PPFIA2: variants seen among roughly 807,000 people sequenced by gnomAD.
PPFIA2 encodes the protein PPFI scaffold protein A2, also known as liprin-alpha-2.
PPFIA2 carries 46 observed loss-of-function variants against 175.5 expected under a neutral mutation model. The observed-to-expected ratio is 0.26, with a 90% CI of 0.21 to 0.34. The LOEUF (loss-of-function observed/expected upper bound fraction) is 0.34. PPFIA2 is among the 10% of genes least tolerant of loss of function. The pLI is 1.00. For synonymous variants in PPFIA2, 568 were observed against 511.4 expected, an observed-to-expected ratio of 1.11 and a Z score of -1.49; for missense variants, 1,179 against 1,506.1, an observed-to-expected ratio of 0.78 and a Z score of 3.60.
chr12:81,339,115 T>C (rs979111341), intron 21 of PPFIA2, 65 bp downstream of exon 21: 11 of 1,308,224 alleles, frequency 8.4e-6, no homozygotes, highest in African/African-American at 1.5e-5. Context: ...AAATGAAAGA[T>C]AGATGGATAC....
chr12:81,718,176 A>G (rs1364681149), intron 3 of PPFIA2, among the ~76,000 whole-genome samples: 1 of 151,708 alleles, frequency 6.6e-6, no homozygotes, highest in Admixed American at 6.6e-5. Flanking sequence ...TCAGGTAGTG[A>G]CATGGCTTTG....
At chr12:81,501,820 G>T (rs144230029) in intron 4 of PPFIA2, among the ~76,000 whole-genome samples, 1 of 152,136 alleles carries the variant, frequency 6.6e-6, no homozygotes, top group Non-Finnish European at 1.5e-5. Flanking sequence ...TGGCTCTTAG[G>T]CATATGTAAT....
intron 7 of PPFIA2, among the ~76,000 whole-genome samples, chr12:81,418,990 T>C (rs1488841797): frequency 1.3e-5 from 2 of 151,998 alleles, no homozygotes; most frequent in African/African-American, 4.8e-5. Context: ...TGAATGTCAA[T>C]TGCATTTTCA....
chr12:81,551,228 A>G (rs746507202), intron 4 of PPFIA2, among the ~76,000 whole-genome samples: 2 of 151,938 alleles, frequency 1.3e-5, no homozygotes, highest in Non-Finnish European at 2.9e-5. Flanking sequence ...AAATGAATGA[A>G]AAGATGAATG....
chr12:81,381,169 G>T (rs1471957182), intron 9 of PPFIA2, among the ~76,000 whole-genome samples: 1 of 152,128 alleles, frequency 6.6e-6, no homozygotes, highest in Non-Finnish European at 1.5e-5. Flanking sequence ...TCCCTTCAAA[G>T]GTGGATGATG....
At position 81,569,179 on chromosome 12, in the gene PPFIA2, T is replaced by G. The variant is rs574598455; in HGVS notation, c.303+107612A>C. 1.3e-5 allele frequency among the ~76,000 whole-genome samples: 2 copies of G among 152,290 alleles called. 1 individual carries two copies. The highest frequency in any genetic ancestry group is 3.9e-4 in the East Asian group (2 of 5,188). Reference sequence around the variant, plus strand: ...TGGTGAGAATCATAGCTTCTTTCTATGTGTTCATATTTCATTGAATAATAG... The same window carrying G: ...TGGTGAGAATCATAGCTTCTTTCTAGGTGTTCATATTTCATTGAATAATAG... On this transcript the variant is annotated intron_variant, in intron 4 of 32. Transcript: ENST00000549396.
chr12:81,300,640 A>G (rs1443592950), intron 22 of PPFIA2, among the ~76,000 whole-genome samples: 2 of 152,172 alleles, frequency 1.3e-5, no homozygotes, highest in Admixed American at 6.5e-5. Context: ...CATGTAAGCT[A>G]TTCAGCACCT....
intron 14 of PPFIA2, among the ~76,000 whole-genome samples, chr12:81,364,029 A>G (rs1406933450): frequency 6.6e-6 from 1 of 151,910 alleles, no homozygotes; most frequent in African/African-American, 2.4e-5. Flanking sequence ...GAAATATAGC[A>G]TGTTGTTAGA....
At chr12:81,737,047 G>T (rs1395536276) in intron 3 of PPFIA2, among the ~76,000 whole-genome samples, 2 of 151,840 alleles carry the variant, frequency 1.3e-5, no homozygotes, top group East Asian at 3.9e-4. Flanking sequence ...CAGCTCTATT[G>T]ATAAGAACAA....
At chr12:81,625,896 G>C (rs949678427) in intron 4 of PPFIA2, among the ~76,000 whole-genome samples, 1 of 148,498 alleles carries the variant, frequency 6.7e-6, no homozygotes, top group African/African-American at 2.5e-5. Context: ...ATAAGATATA[G>C]TATATAGCCT....
intron 4 of PPFIA2, among the ~76,000 whole-genome samples, chr12:81,623,565 T>C (rs942726009): frequency 6.6e-6 from 1 of 152,024 alleles, no homozygotes; most frequent in Admixed American, 6.6e-5. Context: ...AACTTACATT[T>C]AGAGTGTAGG....
rs539435187 is a variant in PPFIA2 at position 81,609,252 on chromosome 12, G to T, written c.303+67539C>A. 2.2e-4 allele frequency among the ~76,000 whole-genome samples: 33 copies of T among 152,232 alleles called. No homozygotes were observed. The South Asian group carries it at 6.2e-3, about 29-fold the overall frequency. ...TGCAGATGAGAATAATGTATATTCT[G>T]TGGTTGTTGGGTGGAGTGTTCTATA... On this transcript the variant is annotated intron_variant, in intron 4 of 32. Coordinates refer to ENST00000549396, the MANE Select transcript of PPFIA2 (RefSeq NM_003625.5).
intron 2 of PPFIA2, among the ~76,000 whole-genome samples, chr12:81,756,807 T>C (rs907392165): frequency 1.3e-5 from 2 of 152,200 alleles, no homozygotes; most frequent in Admixed American, 6.5e-5. Flanking sequence ...AACAATATTT[T>C]ACCTTTACGA....
chr12:81,698,259 A>G (rs924442517), intron 3 of PPFIA2, among the ~76,000 whole-genome samples: 6 of 152,224 alleles, frequency 3.9e-5, no homozygotes, highest in Non-Finnish European at 7.4e-5. Context: ...AAGAGGTGGG[A>G]CCCTTATGAG....
chr12:81,449,988 C>G (rs1486792959), intron 5 of PPFIA2, among the ~76,000 whole-genome samples: 1 of 152,064 alleles, frequency 6.6e-6, no homozygotes, highest in African/African-American at 2.4e-5. Context: ...TTTATGGCTG[C>G]ATAGTATTCC....
chr12:81,442,572 C>T (rs904100633), intron 6 of PPFIA2, among the ~76,000 whole-genome samples: 2 of 151,504 alleles, frequency 1.3e-5, no homozygotes, highest in Admixed American at 6.6e-5. Flanking sequence ...AAGTATATTT[C>T]TCATGTTCTC....
intron 4 of PPFIA2, among the ~76,000 whole-genome samples, chr12:81,620,714 G>T (rs1171522364): frequency 6.6e-6 from 1 of 152,218 alleles, no homozygotes; most frequent in African/African-American, 2.4e-5. Flanking sequence ...AGGCTCAGCA[G>T]AGGACAGAAT....
chr12:81,389,200 A>G (rs917323092), intron 8 of PPFIA2, among the ~76,000 whole-genome samples: 3 of 148,382 alleles, frequency 2.0e-5, no homozygotes, highest in Admixed American at 1.4e-4. Context: ...TATATTATAT[A>G]TATATAATAT....
At chr12:81,566,530 C>CAAAAAAAAAAAAAAA (rs3075452) in intron 4 of PPFIA2, among the ~76,000 whole-genome samples, 3 of 68,454 alleles carry the variant, frequency 4.4e-5, no homozygotes, top group African/African-American at 1.1e-4. Flanking sequence ...GACTCCAACT[C>CAAAAAAAAAAAAAAA]AAAAAAAAAA....
Sources: allele counts gnomAD v4.1 joint callset (sites outside exome capture counted in the v4.1 genomes callset), GRCh38; gene constraint gnomAD v4.1.1; transcripts MANE v1.5; gene names NCBI Gene and HGNC (gene_info 2026-07-23, HGNC 2026-07-21).